Variants in GLDN observed in about 807,000 individuals in gnomAD.
GLDN encodes the protein gliomedin.
A neutral mutation model predicts 56.5 loss-of-function variants in GLDN; 47 were observed. The observed-to-expected ratio is 0.83, with a 90% CI of 0.66 to 1.06. GLDN has a LOEUF of 1.06. GLDN is among the 50% of genes least tolerant of loss of function. GLDN has a pLI of 0.00. For synonymous variants in GLDN, 332 were observed against 278.8 expected, an observed-to-expected ratio of 1.19 and a Z score of -1.90; for missense variants, 782 against 714.3, an observed-to-expected ratio of 1.09 and a Z score of -1.08.
rs1302824925 is a variant in GLDN, at chr15:51,407,225, A to C, written c.*2471A>C. 3.3e-5 allele frequency: 5 copies of C among 152,084 alleles called. No individual in the cohort carries two copies. The highest frequency in any genetic ancestry group is 3.3e-4 in the Admixed American group (5 of 15,262). 9.4% of individuals were successfully genotyped at this position (152,084 alleles called of 1,614,324 possible). A position where few individuals can be genotyped will look rare whatever the true frequency, so the allele number is the denominator to read the frequency against. On this transcript the variant is annotated 3_prime_UTR_variant, in exon 10 of 10. Coordinates refer to ENST00000335449, the MANE Select transcript of GLDN (RefSeq NM_181789.4). ...GGACAACTGAGTTTGATCAGTGTTT[A>C]ATCGCAGTGGGTAATCTTATCTGAT... is the stretch of plus-strand genomic sequence containing the variant.
intron 2 of GLDN, among the ~76,000 whole-genome samples, chr15:51,379,542 C>G (rs2037710435): frequency 6.6e-6 from 1 of 152,218 alleles, no homozygotes; most frequent in Non-Finnish European, 1.5e-5. Context: ...TCATAGCATT[C>G]TTTTCTGCTG....
chr15:51,396,314 CA>C lies in GLDN; in HGVS notation c.689-1155del, dbSNP rs756878668. Among the ~76,000 whole-genome samples, 8 of 152,226 alleles carry C rather than the reference CA, an allele frequency of 5.3e-5. 1 individual carries two copies. Among genetic ancestry groups the C allele is most frequent in the Middle Eastern group, 6.3e-3 (2 of 316 alleles). ...CAGACATTCAGATGCATCTGCCATC[CA>C]GGATCATTCTAAGGATACACTTCAG... On this transcript the variant is annotated intron_variant, in intron 5 of 9. Coordinates refer to ENST00000335449, the MANE Select transcript of GLDN (RefSeq NM_181789.4).
intron 4 of GLDN, among the ~76,000 whole-genome samples, chr15:51,391,956 T>A (rs1270188735): frequency 6.6e-6 from 1 of 152,218 alleles, no homozygotes; most frequent in East Asian, 1.9e-4. Flanking sequence ...GGTTTTTTTT[T>A]ATTGGTTGGT....
At chr15:51,380,185 G>T (rs964225046) in intron 2 of GLDN, among the ~76,000 whole-genome samples, 1 of 152,136 alleles carries the variant, frequency 6.6e-6, no homozygotes, top group African/African-American at 2.4e-5. Flanking sequence ...ATACTTTATT[G>T]ACCCATTGGA....
At chr15:51,343,961 A>T (rs778595842) in intron 1 of GLDN, among the ~76,000 whole-genome samples, 11 of 152,240 alleles carry the variant, frequency 7.2e-5, no homozygotes, top group Middle Eastern at 3.4e-3. Flanking sequence ...CAGGCACCAC[A>T]CTTTAAGAAA....
Position 51,342,019 on chromosome 15 carries a change from T to G in GLDN, c.335T>G (p.Leu112Arg). ...PHIRAESHDM[L>R]MMMTYSMVPI... Reference sequence around the variant, plus strand: ...ATCCGCGCCGAGAGCCATGACATGCTGATGATGATGACCTACTCCATGGTG... The same window carrying G: ...ATCCGCGCCGAGAGCCATGACATGCGGATGATGATGACCTACTCCATGGTG... The change falls in exon 1 of 10, where the codon CTG (leucine) becomes CGG (arginine). Residue 112 changes from leucine to arginine, a missense_variant. By Grantham distance (102) the Leu-to-Arg change is moderately radical. Coordinates refer to ENST00000335449, the MANE Select transcript of GLDN (RefSeq NM_181789.4). 1 of 1,596,366 alleles carries G rather than the reference T, an allele frequency of 6.3e-7. No individual in the cohort carries two copies. Among genetic ancestry groups the G allele is most frequent in the Non-Finnish European group, 8.5e-7 (1 of 1,178,830 alleles).
At chr15:51,349,053 T>C (rs2037029242) in intron 1 of GLDN, among the ~76,000 whole-genome samples, 1 of 152,234 alleles carries the variant, frequency 6.6e-6, no homozygotes, top group Admixed American at 6.5e-5. Flanking sequence ...GGAGATTTCC[T>C]GTCACTACGG....
At chr15:51,349,469 A>C (rs372237410) in intron 1 of GLDN, among the ~76,000 whole-genome samples, 1 of 152,406 alleles carries the variant, frequency 6.6e-6, no homozygotes, top group South Asian at 2.1e-4. Context: ...TGGGTGGGGA[A>C]AAAACAAAAG....
At chr15:51,364,999 A>T (rs1378030534) in intron 1 of GLDN, among the ~76,000 whole-genome samples, 5 of 152,256 alleles carry the variant, frequency 3.3e-5, no homozygotes, top group African/African-American at 1.2e-4. Flanking sequence ...AATTCAAAGC[A>T]CAAAAACAAC....
intron 9 of GLDN, 114 bp downstream of exon 9, chr15:51,401,857 C>A: frequency 1.1e-6 from 1 of 891,282 alleles, no homozygotes; most frequent in Non-Finnish European, 1.7e-6. Flanking sequence ...GTCCCTAGGG[C>A]TGACACACTG....
chr15:51,359,922 T>A (rs1054076000), intron 1 of GLDN, among the ~76,000 whole-genome samples: 1 of 143,710 alleles, frequency 7.0e-6, no homozygotes, highest in Non-Finnish European at 1.5e-5. Context: ...GAGCTTGCAG[T>A]GAGCCTAGAT....
chr15:51,360,345 A>G (rs1343146953), intron 1 of GLDN: 1 of 152,248 alleles, frequency 6.6e-6, no homozygotes, highest in South Asian at 2.1e-4. Context: ...GACCACTTCA[A>G]AAAGGACTGC....
intron 1 of GLDN, among the ~76,000 whole-genome samples, chr15:51,375,261 G>A (rs1420769454): frequency 6.6e-6 from 1 of 152,090 alleles, no homozygotes; most frequent in Non-Finnish European, 1.5e-5. Flanking sequence ...TTTTGAAAAA[G>A]ACAATGATTG....
At chr15:51,373,076 T>C (rs76799288) in intron 1 of GLDN, among the ~76,000 whole-genome samples, 2,189 of 152,306 alleles carry the variant, frequency 0.014, 49 homozygotes, top group African/African-American at 0.05. Context: ...TTGGGGATTA[T>C]GTTTCCAACA....
chr15:51,383,645 G>T, intron 3 of GLDN, 140 bp from the exon 4 acceptor site: 1 of 959,002 alleles, frequency 1.0e-6, no homozygotes, highest in South Asian at 1.6e-5. Context: ...AGCCAGAGAA[G>T]GAAGGAAAGA....
At chr15:51,366,716 T>G (rs1368275085) in intron 1 of GLDN, among the ~76,000 whole-genome samples, 1 of 152,086 alleles carries the variant, frequency 6.6e-6, no homozygotes, top group Non-Finnish European at 1.5e-5. Context: ...TTGAGATCAG[T>G]CTGGGCATCA....
chr15:51,348,317 T>C (rs2037015133), intron 1 of GLDN, among the ~76,000 whole-genome samples: 1 of 145,588 alleles, frequency 6.9e-6, no homozygotes, highest in Non-Finnish European at 1.5e-5. Context: ...CTTTTCTTTT[T>C]TATTTTTTTA....
intron 1 of GLDN, among the ~76,000 whole-genome samples, chr15:51,359,018 A>G (rs948507801): frequency 1.3e-5 from 2 of 152,084 alleles, no homozygotes; most frequent in African/African-American, 4.8e-5. Flanking sequence ...CAAAGCCTAC[A>G]CCCATACTCA....
At chr15:51,403,972 G>T (rs1294660675) in intron 9 of GLDN, among the ~76,000 whole-genome samples, 1 of 152,186 alleles carries the variant, frequency 6.6e-6, no homozygotes, top group Non-Finnish European at 1.5e-5. Context: ...TGAAGTGGGG[G>T]TCACATGGCT....
Sources: gnomAD v4.1 joint callset for allele counts (sites outside exome capture counted in the v4.1 genomes callset) on GRCh38, gnomAD v4.1.1 for gene constraint, MANE v1.5 for transcripts, NCBI Gene and HGNC (gene_info 2026-07-23, HGNC 2026-07-21) for gene names.